Variants in FSD1L observed in about 807,000 individuals in gnomAD.
FSD1L encodes fibronectin type III and SPRY domain containing 1 like, also known as FSD1-like protein.
In FSD1L, 45 loss-of-function variants were observed where a neutral mutation model predicts 71.6. The ratio of observed to expected loss-of-function variants is 0.63; its 90% CI spans 0.49 to 0.81. FSD1L has a LOEUF of 0.81. Ranked by LOEUF, FSD1L falls within the 30% of genes least tolerant of loss-of-function variation. FSD1L has a pLI of 0.00. For missense variants in FSD1L, 561 were observed against 618.1 expected (o/e 0.91, Z 0.98); for synonymous variants, 197 against 207.2 (o/e 0.95, Z 0.42).
At chr9:105,490,427 T>A (rs1318310038) in intron 7 of FSD1L, among the ~76,000 whole-genome samples, 2 of 152,216 alleles carry the variant, frequency 1.3e-5, no homozygotes, top group Non-Finnish European at 2.9e-5. Context: ...ATGAGTAGGT[T>A]GCGAATATTT....
In FSD1L at chr9:105,508,614, C is replaced by T; in HGVS notation, c.797-3C>T. 6.5e-7 allele frequency: 1 copy of T among 1,542,686 alleles called. No individual in the cohort carries two copies. On this transcript the variant is annotated splice_polypyrimidine_tract_variant and splice_region_variant and intron_variant, in intron 8 of 13. Coordinates refer to ENST00000481272, the MANE Select transcript of FSD1L (RefSeq NM_001145313.3). ...TCTGAAAACCATGTTTTCGTTTCTT[C>T]AGGCTTAAAATTTGATTCAAAGTAT...
chr9:105,493,388 G>A (rs1833097994), intron 7 of FSD1L, among the ~76,000 whole-genome samples: 1 of 152,042 alleles, frequency 6.6e-6, no homozygotes, highest in South Asian at 2.1e-4. Context: ...TTGAGCCTAT[G>A]TGTGTCTCTG....
In FSD1L at chr9:105,464,219, G is replaced by A. The variant is rs1379652804; in HGVS notation, c.112-17G>A. Reference sequence around the variant, plus strand: ...TTCCATTGAAATATAGTATTTTAATGCTTTTCTTAATTCTAGGAAGCTCTA... The same window carrying A: ...TTCCATTGAAATATAGTATTTTAATACTTTTCTTAATTCTAGGAAGCTCTA... On this transcript the variant is annotated splice_polypyrimidine_tract_variant and intron_variant, in intron 2 of 13. Coordinates refer to ENST00000481272, the MANE Select transcript of FSD1L (RefSeq NM_001145313.3). 7.7e-7 allele frequency: 1 copy of A among 1,298,590 alleles called. No homozygotes were observed. Among genetic ancestry groups the A allele is most frequent in the Non-Finnish European group, 1.1e-6 (1 of 936,530 alleles). The allele number at this position is 1,298,590 out of a possible 1,614,324, so 80.4% of individuals were successfully genotyped here.
intron 10 of FSD1L, among the ~76,000 whole-genome samples, chr9:105,532,938 CTGAGTCATATGAAA>C (rs1313926067): frequency 6.6e-6 from 1 of 152,132 alleles, no homozygotes; most frequent in Non-Finnish European, 1.5e-5. Flanking sequence ...AATGAAGTCA[CTGAGTCATATGAAA>C]TGAATCATAT....
In FSD1L at chr9:105,536,809, G is replaced by C. The variant is rs568297254; in HGVS notation, c.1378+1491G>C. ...ATGCCACCACGCCTGGCTAATTTTT[G>C]TATTTTTAGTAGAGACGGGGTTTCA... On this transcript the variant is annotated intron_variant, in intron 12 of 13. Coordinates refer to ENST00000481272, the MANE Select transcript of FSD1L (RefSeq NM_001145313.3). Among the ~76,000 whole-genome samples the C allele has an allele frequency of 5.3e-3, 801 of 152,070 alleles. 8 individuals carry two copies. The highest frequency in any genetic ancestry group is 0.019 in the African/African-American group (774 of 41,466).
intron 4 of FSD1L, among the ~76,000 whole-genome samples, chr9:105,470,325 T>G (rs1831371655): frequency 6.6e-6 from 1 of 152,178 alleles, no homozygotes; most frequent in South Asian, 2.1e-4. Context: ...TACATTGAAT[T>G]TATAGATTGC....
At chr9:105,533,416 CTT>C (rs754896606) in intron 10 of FSD1L, among the ~76,000 whole-genome samples, 48 of 29,068 alleles carry the variant, frequency 1.7e-3, no homozygotes, top group Middle Eastern at 0.05. Context: ...CCATTTCCAT[CTT>C]TTTTTTTTTT....
intron 7 of FSD1L, among the ~76,000 whole-genome samples, chr9:105,494,747 A>G (rs10820808): frequency 0.14 from 21,897 of 152,008 alleles, 1,711 homozygotes; most frequent in Admixed American, 0.23. Flanking sequence ...AGGTCTTTTG[A>G]AGTTTGCTAG....
chr9:105,491,894 G>A (rs905089593), intron 7 of FSD1L, among the ~76,000 whole-genome samples: 3 of 152,058 alleles, frequency 2.0e-5, no homozygotes, highest in African/African-American at 7.2e-5. Context: ...TGCTGGATTC[G>A]GTTTGCCATT....
chr9:105,461,658 T>G, intron 2 of FSD1L, 43 bp downstream of exon 2: 1 of 1,180,702 alleles, frequency 8.5e-7, no homozygotes, highest in Non-Finnish European at 1.2e-6. Context: ...CTTGAAGATC[T>G]GATTCAAAAT....
intron 7 of FSD1L, among the ~76,000 whole-genome samples, chr9:105,494,623 T>G (rs1407283651): frequency 6.6e-6 from 1 of 152,198 alleles, no homozygotes; most frequent in Non-Finnish European, 1.5e-5. Context: ...TTTCCCCATC[T>G]TTGTGGTTTT....
Position 105,549,751 on chromosome 9 carries a change from G to A in FSD1L, c.*3268G>A, listed in dbSNP as rs1162959078. The A allele has an allele frequency of 6.6e-6, 1 of 151,770 alleles. No individual in the cohort carries two copies. The highest frequency in any genetic ancestry group is 1.5e-5 in the Non-Finnish European group (1 of 67,856). 9.4% of individuals were successfully genotyped at this position (151,770 alleles called of 1,614,324 possible). A position where few individuals can be genotyped will look rare whatever the true frequency, so the allele number is the denominator to read the frequency against. On this transcript the variant is annotated 3_prime_UTR_variant, in exon 14 of 14. Coordinates refer to ENST00000481272, the MANE Select transcript of FSD1L (RefSeq NM_001145313.3). ...TATAAATGATAAAAGTAAATGTAAT[G>A]GAATCTTTTAATTAGGCTAAGATAT...
upstream of FSD1L, among the ~76,000 whole-genome samples, chr9:105,444,595 A>G (rs1829602893): frequency 1.3e-5 from 2 of 152,170 alleles, no homozygotes; most frequent in Admixed American, 1.3e-4. Context: ...TCTGGGAGAG[A>G]CAGTTTTGCC....
chr9:105,525,372 A>G, intron 10 of FSD1L: 5 of 1,597,942 alleles, frequency 3.1e-6, no homozygotes, highest in Non-Finnish European at 3.4e-6. Flanking sequence ...TTCCTGCTCC[A>G]CAACCTGTGT....
At chr9:105,504,993 G>A (rs936674776) in intron 7 of FSD1L, among the ~76,000 whole-genome samples, 1 of 151,944 alleles carries the variant, frequency 6.6e-6, no homozygotes, top group Non-Finnish European at 1.5e-5. Context: ...GCATTAGTGG[G>A]GTACATTTGA....
intron 7 of FSD1L, among the ~76,000 whole-genome samples, chr9:105,499,655 G>A (rs77848891): frequency 0.016 from 2,362 of 151,104 alleles, 90 homozygotes; most frequent in African/African-American, 0.054. Flanking sequence ...TTTTGTTTAT[G>A]TGTGTATGGC....
In FSD1L at chr9:105,551,426, G is replaced by T. The variant is rs987470552; in HGVS notation, c.*4943G>T. The T allele has an allele frequency of 1.3e-5, 2 of 151,860 alleles. No homozygotes were observed. The highest frequency in any genetic ancestry group is 1.3e-4 in the Admixed American group (2 of 15,234). The allele number at this position is 151,860 out of a possible 1,614,324, so 9.4% of individuals were successfully genotyped here. ...CTTCTTTATAAAATAAGTGTAAGTT[G>T]TTCAGCCTGCCTCACAGGGCTGTTG... On this transcript the variant is annotated 3_prime_UTR_variant, in exon 14 of 14. Transcript: ENST00000481272.
intron 6 of FSD1L, among the ~76,000 whole-genome samples, chr9:105,482,520 A>G (rs1832274885): frequency 6.6e-6 from 1 of 152,236 alleles, no homozygotes; most frequent in Admixed American, 6.5e-5. Context: ...ATCAAGGGGA[A>G]TTAAAGCATA....
At chr9:105,451,189 G>GGTCTCT (rs764359240) in intron 1 of FSD1L, among the ~76,000 whole-genome samples, 6 of 151,970 alleles carry the variant, frequency 3.9e-5, no homozygotes, top group Non-Finnish European at 5.9e-5. Context: ...TCTATCTTCT[G>GGTCTCT]ACCCCGTGAT....
Sources: gnomAD v4.1 joint callset for allele counts (sites outside exome capture counted in the v4.1 genomes callset) on GRCh38, gnomAD v4.1.1 for gene constraint, MANE v1.5 for transcripts, NCBI Gene and HGNC (gene_info 2026-07-23, HGNC 2026-07-21) for gene names.